Variants in MCC observed in about 807,000 individuals in gnomAD.
MCC encodes the protein MCC regulator of Wnt signaling pathway.
In MCC, 90 loss-of-function variants were observed where a neutral mutation model predicts 116.2. That is an observed-to-expected ratio of 0.77 (90% CI 0.65 to 0.92). The LOEUF (loss-of-function observed/expected upper bound fraction) is 0.92, where lower values mean the gene tolerates loss of function less well. Ranked by LOEUF, MCC falls within the 40% of genes least tolerant of loss-of-function variation. MCC has a pLI of 0.00. For missense variants in MCC, 1,516 were observed against 1,312.2 expected, an observed-to-expected ratio of 1.16 and a Z score of -2.40; for synonymous variants, 578 against 510.5, an observed-to-expected ratio of 1.13 and a Z score of -1.78.
At chr5:113,314,387 G>T (rs761840953) in intron 3 of MCC, among the ~76,000 whole-genome samples, 5 of 152,162 alleles carry the variant, frequency 3.3e-5, no homozygotes, top group Admixed American at 6.5e-5. Context: ...TTTCCCTGCA[G>T]GTCCTGAGTT....
chr5:113,419,357 CTTTTTTTCTTT>C (rs891463103), intron 1 of MCC, among the ~76,000 whole-genome samples: 72 of 142,374 alleles, frequency 5.1e-4, no homozygotes, highest in Non-Finnish European at 5.3e-4. Context: ...TATTCTTCTT[CTTTTTTTCTTT>C]TTTTTTTCTT....
chr5:113,397,414 G>A (rs1037012371), intron 1 of MCC, among the ~76,000 whole-genome samples: 3 of 151,714 alleles, frequency 2.0e-5, no homozygotes, highest in Non-Finnish European at 4.4e-5. Context: ...CTGAAAAAAC[G>A]CTTTTGGTTG....
intron 3 of MCC, among the ~76,000 whole-genome samples, chr5:113,318,359 A>C (rs1360232846): frequency 6.6e-6 from 1 of 152,200 alleles, no homozygotes; most frequent in Non-Finnish European, 1.5e-5. Context: ...GCAGTCTTTC[A>C]TATATCACCT....
intron 3 of MCC, among the ~76,000 whole-genome samples, chr5:113,201,057 T>C (rs1017398874): frequency 6.6e-6 from 1 of 152,126 alleles, no homozygotes; most frequent in Non-Finnish European, 1.5e-5. Context: ...AAGCCTCGGA[T>C]GTATCCATCT....
At chr5:113,468,190 C>T (rs1034042220) in intron 1 of MCC, among the ~76,000 whole-genome samples, 38 of 152,268 alleles carry the variant, frequency 2.5e-4, no homozygotes, top group Non-Finnish European at 5.1e-4. Flanking sequence ...TCCTGCCTGA[C>T]TGCCCTGGCC....
intron 1 of MCC, among the ~76,000 whole-genome samples, chr5:113,418,831 T>C (rs186270365): frequency 2.9e-4 from 44 of 152,274 alleles, no homozygotes; most frequent in Admixed American, 1.2e-3. Flanking sequence ...TCCTGACAAG[T>C]TGCAGACAAA....
At chr5:113,432,526 A>G (rs955332598) in intron 1 of MCC, 4 of 152,168 alleles carry the variant, frequency 2.6e-5, no homozygotes, top group African/African-American at 9.7e-5. Flanking sequence ...TATGAGAACT[A>G]AACACATTAA....
chr5:113,051,393 C>T lies in MCC; in HGVS notation c.2449-2094G>A, dbSNP rs1580930438. 1.3e-5 allele frequency among the ~76,000 whole-genome samples: 2 copies of T among 152,228 alleles called. 1 individual carries two copies. The highest frequency in any genetic ancestry group is 4.1e-4 in the South Asian group (2 of 4,820). ...AATAAAGATTTAAAACAAAGTGATA[C>T]AGGAGTCATAATGAAGGGATAAGAT... On this transcript the variant is annotated intron_variant, in intron 15 of 18. Coordinates refer to ENST00000408903, the MANE Select transcript of MCC (RefSeq NM_001085377.2).
rs1464911515 is a variant in MCC at position 113,071,369 on chromosome 5, T to G, written c.1785-135A>C. ...TCAGATTAGTAGCTGACACAGTATT[T>G]TGTCAAAGAAGCAACTCTACATAAA... On this transcript the variant is annotated intron_variant, in intron 11 of 18. Coordinates refer to ENST00000408903, the MANE Select transcript of MCC (RefSeq NM_001085377.2). 3.4e-6 allele frequency: 3 copies of G among 887,248 alleles called. No individual in the cohort carries two copies. The Admixed American group carries it at 7.0e-5, about 21-fold the overall frequency. The allele number at this position is 887,248 out of a possible 1,614,324, so 55.0% of individuals were successfully genotyped here. A position where few individuals can be genotyped will look rare whatever the true frequency, so the allele number is the denominator to read the frequency against.
intron 3 of MCC, among the ~76,000 whole-genome samples, chr5:113,233,226 A>G (rs1348540111): frequency 6.6e-6 from 1 of 152,200 alleles, no homozygotes; most frequent in Non-Finnish European, 1.5e-5. Context: ...TTTACATGGC[A>G]AGTTATATCG....
intron 3 of MCC, among the ~76,000 whole-genome samples, chr5:113,295,125 G>T (rs190246206): frequency 6.6e-6 from 1 of 151,462 alleles, no homozygotes; most frequent in Admixed American, 6.6e-5. Flanking sequence ...GAGTCCAGGA[G>T]GGGGAGTAGA....
intron 3 of MCC, among the ~76,000 whole-genome samples, chr5:113,286,871 C>A (rs1317711101): frequency 6.6e-6 from 1 of 152,188 alleles, no homozygotes; most frequent in Non-Finnish European, 1.5e-5. Context: ...AAGGTTTCCT[C>A]TTTCCTCTCT....
chr5:113,276,679 T>TA (rs1367261831), intron 3 of MCC, among the ~76,000 whole-genome samples: 1 of 152,122 alleles, frequency 6.6e-6, no homozygotes, highest in African/African-American at 2.4e-5. Flanking sequence ...CAGGCTGGAG[T>TA]ACAGTGGTAC....
At chr5:113,262,700 A>C (rs1765259686) in intron 3 of MCC, among the ~76,000 whole-genome samples, 1 of 152,184 alleles carries the variant, frequency 6.6e-6, no homozygotes, top group South Asian at 2.1e-4. Flanking sequence ...TTGGGACTAA[A>C]CAAGTGATTC....
intron 1 of MCC, among the ~76,000 whole-genome samples, chr5:113,448,462 T>C (rs1310041983): frequency 6.6e-6 from 1 of 152,222 alleles, no homozygotes. Flanking sequence ...ACAGTCTAAA[T>C]AGCAAAGAAA....
At chr5:113,457,698 A>T (rs941159771) in intron 1 of MCC, among the ~76,000 whole-genome samples, 1 of 148,048 alleles carries the variant, frequency 6.8e-6, no homozygotes, top group African/African-American at 2.6e-5. Flanking sequence ...CAAGGTTTGT[A>T]AACACACCAA....
chr5:113,142,260 T>C (rs1169985358), intron 5 of MCC, among the ~76,000 whole-genome samples: 1 of 151,886 alleles, frequency 6.6e-6, no homozygotes, highest in East Asian at 1.9e-4. Flanking sequence ...TGTTTTAAAA[T>C]TGTGGCTTGT....
At chr5:113,441,094 G>A (rs1450844114) in intron 1 of MCC, among the ~76,000 whole-genome samples, 1 of 152,166 alleles carries the variant, frequency 6.6e-6, no homozygotes, top group Non-Finnish European at 1.5e-5. Context: ...CAACACTTTC[G>A]GAGGCTGAGG....
chr5:113,074,194 G>C (rs765808832), intron 11 of MCC, among the ~76,000 whole-genome samples: 1 of 152,218 alleles, frequency 6.6e-6, no homozygotes, highest in Non-Finnish European at 1.5e-5. Context: ...CCAGAGGAAG[G>C]ATCAGGCAGC....
Sources: allele counts gnomAD v4.1 joint callset (sites outside exome capture counted in the v4.1 genomes callset), GRCh38; gene constraint gnomAD v4.1.1; transcripts MANE v1.5; gene names NCBI Gene and HGNC (gene_info 2026-07-23, HGNC 2026-07-21).